FAT3: variants seen among roughly 807,000 people sequenced by gnomAD.
FAT3 encodes FAT atypical cadherin 3.
A neutral mutation model predicts 310.2 loss-of-function variants in FAT3; 95 were observed. That is an observed-to-expected ratio of 0.31 (90% CI 0.26 to 0.36). The LOEUF is 0.36. Ranked by LOEUF, FAT3 falls within the 10% of genes least tolerant of loss-of-function variation. The pLI is 1.00. For missense variants in FAT3, 5,408 were observed against 5,715.6 expected (o/e 0.95, Z 1.74); for synonymous variants, 2,314 against 2,192.9 (o/e 1.06, Z -1.54).
intron 2 of FAT3, among the ~76,000 whole-genome samples, chr11:92,413,214 AC>A (rs1436106519): frequency 1.3e-5 from 2 of 152,140 alleles, no homozygotes; most frequent in South Asian, 2.1e-4. Flanking sequence ...CAACAAAGGA[AC>A]CCTTCTGTGT....
intron 1 of FAT3, among the ~76,000 whole-genome samples, chr11:92,295,825 G>T (rs536116301): frequency 8.3e-4 from 126 of 152,160 alleles, no homozygotes; most frequent in African/African-American, 2.9e-3. Flanking sequence ...ATGCACAATA[G>T]AATCACCTTA....
intron 1 of FAT3, among the ~76,000 whole-genome samples, chr11:92,312,471 C>T (rs775694062): frequency 1.3e-5 from 2 of 152,120 alleles, no homozygotes; most frequent in Non-Finnish European, 2.9e-5. Flanking sequence ...GTAGATGAAT[C>T]ACCCTTAAAA....
Position 92,891,223 on chromosome 11 carries a change from A to G in FAT3, c.*110A>G. ...CTGTGGAATGAGAAGGGAATACTGT[A>G]TTTTTCCACTAGAAACTTCTTCACA... On this transcript the variant is annotated 3_prime_UTR_variant, in exon 28 of 28. Coordinates refer to ENST00000525166, the MANE Select transcript of FAT3 (RefSeq NM_001367949.2). 7.3e-7 allele frequency: 1 copy of G among 1,371,918 alleles called. No homozygotes were observed. Among genetic ancestry groups the G allele is most frequent in the Non-Finnish European group, 9.8e-7 (1 of 1,016,188 alleles). 85.0% of individuals were successfully genotyped at this position (1,371,918 alleles called of 1,614,324 possible). A position where few individuals can be genotyped will look rare whatever the true frequency, so the allele number is the denominator to read the frequency against.
chr11:92,339,814 G>A (rs1410044612), intron 1 of FAT3, among the ~76,000 whole-genome samples: 2 of 152,042 alleles, frequency 1.3e-5, no homozygotes, highest in Non-Finnish European at 2.9e-5. Context: ...TTTGAGATAA[G>A]CCAAACAGGA....
intron 2 of FAT3, among the ~76,000 whole-genome samples, chr11:92,466,480 A>G (rs1202747206): frequency 6.6e-6 from 1 of 151,842 alleles, no homozygotes; most frequent in South Asian, 2.1e-4. Context: ...TCTATCACTT[A>G]TGCACTCAGC....
At chr11:92,479,173 T>G (rs1455815412) in intron 2 of FAT3, among the ~76,000 whole-genome samples, 1 of 150,810 alleles carries the variant, frequency 6.6e-6, no homozygotes, top group African/African-American at 2.4e-5. Flanking sequence ...AGCTATTTTT[T>G]TTTTTTTTGT....
rs577837244 is a variant in FAT3, at chr11:92,267,742, G to A, written c.-18+42568G>A. Among the ~76,000 whole-genome samples the A allele has an allele frequency of 1.8e-4, 27 of 152,132 alleles. No homozygotes were observed. The South Asian group carries it at 5.0e-3, about 28-fold the overall frequency. On this transcript the variant is annotated intron_variant, in intron 1 of 27. Coordinates refer to ENST00000525166, the MANE Select transcript of FAT3 (RefSeq NM_001367949.2). ...AGAAATCTTTAATTCTGTTCTCATC[G>A]GAAGTTATTGCTTATCATTATTTAT...
At chr11:92,841,815 G>T (rs1392575119) in intron 18 of FAT3, among the ~76,000 whole-genome samples, 2 of 152,072 alleles carry the variant, frequency 1.3e-5, no homozygotes, top group Non-Finnish European at 2.9e-5. Context: ...CATTCCCATT[G>T]CCACTGCCTC....
At chr11:92,861,554 A>G (rs1008072018) in intron 21 of FAT3, among the ~76,000 whole-genome samples, 2 of 152,246 alleles carry the variant, frequency 1.3e-5, no homozygotes, top group African/African-American at 4.8e-5. Flanking sequence ...GATGGATGCT[A>G]TTTGAAGGAA....
At chr11:92,850,561 C>T (rs1298441637) in intron 19 of FAT3, among the ~76,000 whole-genome samples, 1 of 152,150 alleles carries the variant, frequency 6.6e-6, no homozygotes, top group Admixed American at 6.5e-5. Flanking sequence ...TTCTCACAGG[C>T]CATGAATTAA....
In FAT3 at chr11:92,255,318, T is replaced by C. The variant is rs1865273513; in HGVS notation, c.-18+30144T>C. 1.3e-5 allele frequency among the ~76,000 whole-genome samples: 2 copies of C among 150,416 alleles called. 1 individual carries two copies. The highest frequency in any genetic ancestry group is 4.2e-4 in the South Asian group (2 of 4,730). The stretch of plus-strand genomic sequence containing the variant: ...AAAAATGTTTTAATTAATTAGATAA[T>C]TTTTTATTTTAGGGTTTTTTTTTAA... On this transcript the variant is annotated intron_variant, in intron 1 of 27. Coordinates refer to ENST00000525166, the MANE Select transcript of FAT3 (RefSeq NM_001367949.2).
intron 1 of FAT3, among the ~76,000 whole-genome samples, chr11:92,251,683 A>T (rs1273962386): frequency 6.6e-6 from 1 of 151,468 alleles, no homozygotes; most frequent in Admixed American, 6.6e-5. Flanking sequence ...TTAATTATGA[A>T]TGACTTTTGT....
At chr11:92,307,713 A>T (rs962404375) in intron 1 of FAT3, among the ~76,000 whole-genome samples, 2 of 152,190 alleles carry the variant, frequency 1.3e-5, no homozygotes, top group Non-Finnish European at 2.9e-5. Flanking sequence ...TCTGTGTTAA[A>T]TAAAATACAG....
Position 92,552,741 on chromosome 11 carries a change from T to A in FAT3, c.3607+27793T>A, listed in dbSNP as rs79102625. Among the ~76,000 whole-genome samples, 1,215 of 151,876 alleles carry A rather than the reference T, an allele frequency of 8.0e-3. 15 individuals are homozygous for A. The highest frequency in any genetic ancestry group is 0.028 in the African/African-American group (1,162 of 41,450). On this transcript the variant is annotated intron_variant, in intron 3 of 27. Coordinates refer to ENST00000525166, the MANE Select transcript of FAT3 (RefSeq NM_001367949.2). ...TTATGTTTAGCACTATCTAACATGG[T>A]CCCTGACACTTTCATAATATCTTAA...
intron 3 of FAT3, among the ~76,000 whole-genome samples, chr11:92,644,218 C>T (rs1214895034): frequency 3.9e-5 from 6 of 152,216 alleles, no homozygotes; most frequent in African/African-American, 1.4e-4. Flanking sequence ...GTAAAAGTGC[C>T]TCCCTAGTGC....
Position 92,890,768 on chromosome 11 carries a change from C to G in FAT3, c.13425C>G (p.Ala4475=), listed in dbSNP as rs1949900460. 6.2e-7 allele frequency: 1 copy of G among 1,613,766 alleles called. No individual in the cohort carries two copies. Among genetic ancestry groups the G allele is most frequent in the Admixed American group, 1.7e-5 (1 of 59,988 alleles). The change falls in exon 28 of 28, where the codon GCC becomes GCG. Residue 4475 remains alanine, a synonymous_variant. Coordinates refer to ENST00000525166, the MANE Select transcript of FAT3 (RefSeq NM_001367949.2). ...ALPPSQPVSL[A]STLSPDCRRR... is the part of the protein sequence containing the mutation. Reference sequence around the variant, plus strand: ...CACCCTCCCAGCCTGTCTCCCTGGCCAGCACACTGAGCCCAGACTGCAGGA... The same window carrying G: ...CACCCTCCCAGCCTGTCTCCCTGGCGAGCACACTGAGCCCAGACTGCAGGA...
At chr11:92,537,625 G>C (rs1014282422) in intron 3 of FAT3, among the ~76,000 whole-genome samples, 1 of 152,034 alleles carries the variant, frequency 6.6e-6, no homozygotes, top group Non-Finnish European at 1.5e-5. Flanking sequence ...AGAACTGTAG[G>C]GTGCCTATGT....
chr11:92,380,737 G>A (rs888296811), intron 2 of FAT3, among the ~76,000 whole-genome samples: 7 of 152,156 alleles, frequency 4.6e-5, no homozygotes, highest in Non-Finnish European at 1.0e-4. Flanking sequence ...ATTTCTATGA[G>A]TGGGTGCTGG....
intron 3 of FAT3, among the ~76,000 whole-genome samples, chr11:92,544,334 T>C (rs980522451): frequency 7.9e-5 from 12 of 152,156 alleles, no homozygotes; most frequent in African/African-American, 2.7e-4. Context: ...CAGTAATCAA[T>C]TGTACATTTC....
Sources: allele counts gnomAD v4.1 joint callset (sites outside exome capture counted in the v4.1 genomes callset), GRCh38; gene constraint gnomAD v4.1.1; transcripts MANE v1.5; gene names NCBI Gene and HGNC (gene_info 2026-07-23, HGNC 2026-07-21).